Variants in IQSEC1 observed in about 807,000 individuals in gnomAD.
IQSEC1 encodes IQ motif and Sec7 domain ArfGEF 1.
IQSEC1 carries 31 observed loss-of-function variants against 91.0 expected under a neutral mutation model. The observed-to-expected ratio is 0.34, with a 90% confidence interval of 0.26 to 0.46. The LOEUF (loss-of-function observed/expected upper bound fraction) is 0.46, where lower values mean the gene tolerates loss of function less well. Ranked by LOEUF, IQSEC1 falls within the 20% of genes least tolerant of loss-of-function variation. The probability of loss-of-function intolerance (pLI) is 1.00; values close to 1 mark genes in which losing one functional copy is unlikely to be tolerated. For missense variants in IQSEC1, 1,388 were observed against 1,575.6 expected, an observed-to-expected ratio of 0.88 and a Z score of 2.02; for synonymous variants, 699 against 662.6, an observed-to-expected ratio of 1.05 and a Z score of -0.84.
intron 2 of IQSEC1, among the ~76,000 whole-genome samples, chr3:13,114,206 T>C (rs1291197817): frequency 6.6e-6 from 1 of 152,150 alleles, no homozygotes; most frequent in African/African-American, 2.4e-5. Flanking sequence ...GTGCTGCTGA[T>C]TACACCTGCA....
intron 1 of IQSEC1, among the ~76,000 whole-genome samples, chr3:13,181,461 A>G (rs1693843831): frequency 6.6e-6 from 1 of 152,256 alleles, no homozygotes; most frequent in Non-Finnish European, 1.5e-5. Context: ...AGACATATAC[A>G]GAATACTCCA....
chr3:13,000,391 C>T (rs371107402), intron 1 of IQSEC1, among the ~76,000 whole-genome samples: 5 of 152,156 alleles, frequency 3.3e-5, no homozygotes, highest in Admixed American at 6.5e-5. Context: ...CTCCTCTAGA[C>T]GTCATCTTCT....
intron 1 of IQSEC1, among the ~76,000 whole-genome samples, chr3:13,181,175 G>A (rs969442706): frequency 1.3e-5 from 2 of 152,348 alleles, no homozygotes; most frequent in Admixed American, 6.5e-5. Flanking sequence ...GGAGGCTGAG[G>A]CAGGAGAATG....
chr3:12,935,936 C>T lies in IQSEC1; in HGVS notation c.1080G>A (p.Val360=), dbSNP rs760706952. 3.8e-6 allele frequency: 6 copies of T among 1,598,686 alleles called. No homozygotes were observed. The highest frequency in any genetic ancestry group is 1.3e-5 in the African/African-American group (1 of 74,912). The change falls in exon 3 of 14, where the codon GTG becomes GTA. Residue 360 remains valine, a synonymous_variant. Coordinates refer to ENST00000613206, the MANE Select transcript of IQSEC1 (RefSeq NM_001134382.3). This position sits in a 1 kb window ranked among gnomAD's most constrained non-coding sequence, Gnocchi z 8.0. ...SLERQEQRLR[V]EHLPLLTIEP... Reference sequence around the variant, plus strand: ...CGATGGTGAGCAGCGGCAGATGCTCCACCCGCAGCCGCTGCTCCTGCCGCT... The same window carrying T: ...CGATGGTGAGCAGCGGCAGATGCTCTACCCGCAGCCGCTGCTCCTGCCGCT...
At chr3:13,226,673 C>A (rs1242797629) in intron 1 of IQSEC1, among the ~76,000 whole-genome samples, 1 of 152,182 alleles carries the variant, frequency 6.6e-6, no homozygotes, top group Non-Finnish European at 1.5e-5. Context: ...ATTCTCCACA[C>A]TCCTTCAATA....
chr3:13,171,064 C>T (rs1693598493), intron 1 of IQSEC1, among the ~76,000 whole-genome samples: 2 of 151,962 alleles, frequency 1.3e-5, no homozygotes, highest in African/African-American at 4.8e-5. Flanking sequence ...TGCGCCAATG[C>T]ACTCCAGCCT....
intron 1 of IQSEC1, among the ~76,000 whole-genome samples, chr3:13,032,830 T>C (rs1703896429): frequency 6.6e-6 from 1 of 152,162 alleles, no homozygotes; most frequent in Admixed American, 6.5e-5. Context: ...GTGATCCGCC[T>C]GCCTCGGCCT....
chr3:12,963,271 G>A (rs1576058257), intron 1 of IQSEC1, among the ~76,000 whole-genome samples: 2 of 152,232 alleles, frequency 1.3e-5, no homozygotes, highest in East Asian at 3.8e-4. Context: ...TGCAAACCGA[G>A]GAGATAAAAC....
Position 12,915,607 on chromosome 3 carries a change from A to T in IQSEC1, c.2147T>A (p.Val716Glu). ...CCCATCACATACCGGCTTTTTCCCC[A>T]CAATGAGCTTCTCCACCTTCTGCAC... ...SQVQKVEKLI[V>E]GKKPIGSLHP... is the part of the protein sequence containing the mutation. The change falls in exon 7 of 14, where the codon GTG becomes GAG. Residue 716 changes from valine to glutamate, a missense_variant. Physicochemically the swap from Val to Glu is moderately radical, Grantham distance 121. Around this residue, in one of 2 missense-constraint regions of IQSEC1, gnomAD observed 1,059 missense variants for 1,317.8 expected, o/e 0.80. Coordinates refer to ENST00000613206, the MANE Select transcript of IQSEC1 (RefSeq NM_001134382.3). 6.2e-7 allele frequency: 1 copy of T among 1,614,032 alleles called. No individual in the cohort carries two copies. The highest frequency in any genetic ancestry group is 8.5e-7 in the Non-Finnish European group (1 of 1,179,948).
At chr3:13,071,398 C>T (rs961568296) in intron 1 of IQSEC1, among the ~76,000 whole-genome samples, 3 of 152,038 alleles carry the variant, frequency 2.0e-5, no homozygotes, top group Admixed American at 1.3e-4. Context: ...TGAATTGTCA[C>T]ATTTCATCCT....
intron 1 of IQSEC1, among the ~76,000 whole-genome samples, chr3:13,172,782 G>A (rs948966594): frequency 3.9e-5 from 6 of 152,200 alleles, no homozygotes; most frequent in African/African-American, 1.4e-4. Flanking sequence ...GGTCTACCCA[G>A]GCTGGTACCA....
chr3:13,207,801 G>A lies in IQSEC1; in HGVS notation c.273-43668C>T, dbSNP rs114654455. On this transcript the variant is annotated intron_variant, in intron 1 of 15. Transcript: ENST00000648114. This position sits in a 1 kb window ranked among gnomAD's most constrained non-coding sequence, Gnocchi z 4.8. ...CCAACCATCCCTGCCACCCGGCCAC[G>A]TGGTCCGGCCAGCCTTGTGTGGTCC... Among the ~76,000 whole-genome samples, 561 of 152,246 alleles carry A rather than the reference G, an allele frequency of 3.7e-3. 3 individuals are homozygous for A. The highest frequency in any genetic ancestry group is 7.8e-3 in the African/African-American group (323 of 41,542).
chr3:12,963,084 A>C (rs2125495317), intron 1 of IQSEC1, among the ~76,000 whole-genome samples: 1 of 152,380 alleles, frequency 6.6e-6, no homozygotes, highest in East Asian at 1.9e-4. Context: ...CTAGCACTCT[A>C]GCAACTTTAG....
intron 2 of IQSEC1, among the ~76,000 whole-genome samples, chr3:13,089,424 A>AT (rs1419175262): frequency 6.6e-6 from 1 of 151,762 alleles, no homozygotes; most frequent in Non-Finnish European, 1.5e-5. Context: ...TACAGAAAAA[A>AT]TTTTTTTTTA....
chr3:12,926,925 G>A (rs1416310593), intron 3 of IQSEC1, among the ~76,000 whole-genome samples: 4 of 152,222 alleles, frequency 2.6e-5, no homozygotes, highest in African/African-American at 4.8e-5. Context: ...CACAGAAGTG[G>A]TAATGGAGTG....
At chr3:13,152,587 C>T (rs959018785) in intron 2 of IQSEC1, among the ~76,000 whole-genome samples, 2 of 152,136 alleles carry the variant, frequency 1.3e-5, no homozygotes, top group Admixed American at 1.3e-4. Flanking sequence ...GTTCTTGGTT[C>T]CAGCTGGGCG....
intron 1 of IQSEC1, among the ~76,000 whole-genome samples, chr3:13,234,600 G>C (rs921105450): frequency 6.6e-5 from 10 of 152,058 alleles, no homozygotes; most frequent in South Asian, 2.1e-4. Flanking sequence ...GGGCTGGTAC[G>C]AGAAAAAGAG....
At chr3:13,256,961 T>C (rs1695297348) in intron 1 of IQSEC1, among the ~76,000 whole-genome samples, 1 of 152,076 alleles carries the variant, frequency 6.6e-6, no homozygotes, top group African/African-American at 2.4e-5. Flanking sequence ...CTGCCCCATA[T>C]CCCAGCCAAC....
intron 3 of IQSEC1, among the ~76,000 whole-genome samples, chr3:12,926,545 A>G (rs1472651649): frequency 6.6e-6 from 1 of 152,252 alleles, no homozygotes; most frequent in Non-Finnish European, 1.5e-5. Flanking sequence ...TCAAGAGTCC[A>G]TGAGGAGCCC....
Sources: gnomAD v4.1 joint callset for allele counts (sites outside exome capture counted in the v4.1 genomes callset) on GRCh38, gnomAD v4.1.1 for gene constraint, gnomAD v4.1.1 regional missense constraint, Gnocchi (gnomAD v3.1) non-coding constraint, MANE v1.5 for transcripts, NCBI Gene and HGNC (gene_info 2026-07-23, HGNC 2026-07-21) for gene names.